USH2A: variants seen among roughly 807,000 people sequenced by gnomAD.
USH2A encodes the protein Usher syndrome 2A (autosomal recessive, mild).
USH2A carries 443 observed loss-of-function variants against 538.9 expected under a neutral mutation model. The ratio of observed to expected loss-of-function variants is 0.82; its 90% CI spans 0.76 to 0.89. USH2A has a LOEUF of 0.89. Among genes scored for constraint, USH2A ranks in the 40% least tolerant of loss-of-function variants. The pLI, the probability that USH2A is intolerant of heterozygous loss-of-function variation, is 0.00. For synonymous variants in USH2A, 2,413 were observed against 2,273.5 expected (o/e 1.06, Z -1.75); for missense variants, 6,633 against 6,324.8 (o/e 1.05, Z -1.65).
At chr1:216,394,306 A>G (rs6604552) in intron 3 of USH2A, among the ~76,000 whole-genome samples, 147,468 of 150,964 alleles carry the variant, frequency 0.98, 72,039 homozygotes, top group East Asian at 1. Flanking sequence ...ACCATGTGGC[A>G]CAGCAATCCT....
intron 64 of USH2A, among the ~76,000 whole-genome samples, chr1:215,670,476 T>C (rs1407913784): frequency 1.3e-5 from 2 of 151,542 alleles, no homozygotes; most frequent in African/African-American, 4.9e-5. Context: ...TGCAGTCTTA[T>C]TTTTTTAGGC....
At chr1:215,926,770 C>A (rs1425522942) in intron 38 of USH2A, among the ~76,000 whole-genome samples, 1 of 151,812 alleles carries the variant, frequency 6.6e-6, no homozygotes, top group Non-Finnish European at 1.5e-5. Context: ...ACATGCCCGG[C>A]TAAGTTTTTG....
At chr1:215,812,814 C>T (rs571827417) in intron 49 of USH2A, among the ~76,000 whole-genome samples, 1 of 152,234 alleles carries the variant, frequency 6.6e-6, no homozygotes, top group African/African-American at 2.4e-5. Context: ...CTTAAATAGT[C>T]CTTTTAAAAA....
chr1:215,706,143 T>TG (rs1210713117), intron 61 of USH2A, among the ~76,000 whole-genome samples: 1 of 152,168 alleles, frequency 6.6e-6, no homozygotes, highest in African/African-American at 2.4e-5. Flanking sequence ...AGGATTTGCC[T>TG]GGGGGGATCC....
At chr1:216,296,255 G>T (rs1030360493) in intron 9 of USH2A, among the ~76,000 whole-genome samples, 2 of 151,926 alleles carry the variant, frequency 1.3e-5, no homozygotes, top group African/African-American at 4.8e-5. Flanking sequence ...TTTTACAATG[G>T]TCAAGTTAAA....
chr1:215,760,986 C>A (rs1456001089), intron 56 of USH2A, among the ~76,000 whole-genome samples: 1 of 152,054 alleles, frequency 6.6e-6, no homozygotes, highest in African/African-American at 2.4e-5. Flanking sequence ...AATATAATCC[C>A]AATTTCTTTT....
At chr1:216,153,893 T>TAAA (rs1458316074) in intron 21 of USH2A, among the ~76,000 whole-genome samples, 1 of 152,212 alleles carries the variant, frequency 6.6e-6, no homozygotes, top group Non-Finnish European at 1.5e-5. Context: ...AGGGTCAAAT[T>TAAA]GATTTTGCAA....
At chr1:216,029,153 A>C (rs981540858) in intron 32 of USH2A, among the ~76,000 whole-genome samples, 8 of 152,206 alleles carry the variant, frequency 5.3e-5, no homozygotes, top group African/African-American at 1.9e-4. Context: ...TGTACAGAAG[A>C]CCTTACATAA....
intron 69 of USH2A, among the ~76,000 whole-genome samples, chr1:215,638,481 G>A (rs1017520488): frequency 3.9e-5 from 6 of 152,024 alleles, no homozygotes; most frequent in Non-Finnish European, 7.4e-5. Flanking sequence ...TCAGCCAGGC[G>A]TGGTGACATA....
intron 20 of USH2A, among the ~76,000 whole-genome samples, chr1:216,179,085 T>C (rs2034443099): frequency 6.6e-6 from 1 of 152,100 alleles, no homozygotes; most frequent in Non-Finnish European, 1.5e-5. Context: ...TGAAAGTTGA[T>C]ACATCTCTAC....
intron 24 of USH2A, among the ~76,000 whole-genome samples, 157 bp downstream of exon 24, chr1:216,086,562 C>A (rs1171351681): frequency 6.6e-6 from 1 of 151,578 alleles, no homozygotes; most frequent in East Asian, 1.9e-4. Flanking sequence ...ATACATGGTT[C>A]CTTTAAAAAA....
intron 70 of USH2A, chr1:215,630,053 G>C: frequency 2.0e-6 from 1 of 505,750 alleles, no homozygotes; most frequent in South Asian, 1.4e-5. Context: ...TCTTTTTTCA[G>C]TAGAGTTTTC....
At position 215,726,309 on chromosome 1, in the gene USH2A, C is replaced by T. The variant is rs550123975; in HGVS notation, c.12066+1721G>A. On this transcript the variant is annotated intron_variant, in intron 61 of 71. Transcript: ENST00000307340. The stretch of plus-strand genomic sequence containing the variant: ...TGCTTATCATATAGGAACTAGAAGA[C>T]ATAATATAAAAGACTCTAGTACATA... Among the ~76,000 whole-genome samples, 359 of 152,002 alleles carry T rather than the reference C, an allele frequency of 2.4e-3. 1 individual carries two copies. Among genetic ancestry groups the T allele is most frequent in the African/African-American group, 8.2e-3 (342 of 41,476 alleles).
intron 37 of USH2A, among the ~76,000 whole-genome samples, chr1:215,944,828 G>C (rs1172182902): frequency 6.6e-6 from 1 of 151,998 alleles, no homozygotes; most frequent in Non-Finnish European, 1.5e-5. Flanking sequence ...ATCAGTGGTA[G>C]GTAATTTGTC....
At chr1:215,789,544 T>C (rs758009435) in intron 51 of USH2A, among the ~76,000 whole-genome samples, 1 of 152,206 alleles carries the variant, frequency 6.6e-6, no homozygotes, top group African/African-American at 2.4e-5. Context: ...CATAAGCGAT[T>C]ACACCCAGAA....
chr1:215,653,197 T>C (rs1272901659), intron 64 of USH2A, among the ~76,000 whole-genome samples: 2 of 152,232 alleles, frequency 1.3e-5, no homozygotes, highest in African/African-American at 2.4e-5. Context: ...CGTGAACTTC[T>C]ACTAGGTGGA....
Position 215,953,471 on chromosome 1 carries a change from C to A in USH2A, c.7120+11846G>T, listed in dbSNP as rs1158458693. On this transcript the variant is annotated intron_variant, in intron 37 of 71. Transcript: ENST00000307340. Reference sequence around the variant, plus strand: ...AAAAACAAGAAATGGGGAAAGGATTCCCTATTTAATAAATGGTGCTGGGAA... The same window carrying A: ...AAAAACAAGAAATGGGGAAAGGATTACCTATTTAATAAATGGTGCTGGGAA... 6.6e-5 allele frequency among the ~76,000 whole-genome samples: 10 copies of A among 152,224 alleles called. No homozygotes were observed. The South Asian group carries it at 1.7e-3, about 25-fold the overall frequency.
rs114723663 is a variant in USH2A at position 216,307,092 on chromosome 1, G to T, written c.1645-14722C>A. Reference sequence around the variant, plus strand: ...TACAAGCTTGCTCTAGAGTCTCCTGGATAAGTTTCTCAGGCGGTGGTCAGG... The same window carrying T: ...TACAAGCTTGCTCTAGAGTCTCCTGTATAAGTTTCTCAGGCGGTGGTCAGG... On this transcript the variant is annotated intron_variant, in intron 9 of 71. Coordinates refer to ENST00000307340, the MANE Select transcript of USH2A (RefSeq NM_206933.4). 4.6e-3 allele frequency among the ~76,000 whole-genome samples: 698 copies of T among 152,216 alleles called. 5 individuals carry two copies. Among genetic ancestry groups the T allele is most frequent in the African/African-American group, 0.016 (680 of 41,528 alleles).
At chr1:216,047,406 G>C (rs2030568602) in intron 31 of USH2A, among the ~76,000 whole-genome samples, 1 of 152,118 alleles carries the variant, frequency 6.6e-6, no homozygotes, top group African/African-American at 2.4e-5. Context: ...TGATAATCAT[G>C]TCCTCAGCAG....
Sources: gnomAD v4.1 joint callset for allele counts (sites outside exome capture counted in the v4.1 genomes callset) on GRCh38, gnomAD v4.1.1 for gene constraint, MANE v1.5 for transcripts, NCBI Gene and HGNC (gene_info 2026-07-23, HGNC 2026-07-21) for gene names.